ROR2: variants seen among roughly 807,000 people sequenced by gnomAD.
ROR2 encodes the protein tyrosine-protein kinase transmembrane receptor ROR2.
A neutral mutation model predicts 74.9 loss-of-function variants in ROR2; 33 were observed. That is an observed-to-expected ratio of 0.44 (90% CI 0.33 to 0.59). The LOEUF (loss-of-function observed/expected upper bound fraction) is 0.59. ROR2 is among the 20% of genes least tolerant of loss of function. ROR2 has a pLI of 0.02. For missense variants in ROR2, 1,216 were observed against 1,313.8 expected (o/e 0.93, Z 1.15); for synonymous variants, 586 against 558.7 (o/e 1.05, Z -0.69).
At chr9:91,940,138 A>G (rs1157217036) in intron 1 of ROR2, among the ~76,000 whole-genome samples, 2 of 152,264 alleles carry the variant, frequency 1.3e-5, no homozygotes, top group Non-Finnish European at 2.9e-5. Flanking sequence ...ATGGCAACTC[A>G]GCCCCGCTGT....
At chr9:91,743,008 C>T (rs1825298760) in intron 4 of ROR2, among the ~76,000 whole-genome samples, 1 of 152,170 alleles carries the variant, frequency 6.6e-6, no homozygotes, top group African/African-American at 2.4e-5. Flanking sequence ...GAGCAACAGG[C>T]TGTACCATAT....
rs543897263 is a variant in ROR2 at position 91,739,279 on chromosome 9, G to A, written c.495-1761C>T. Among the ~76,000 whole-genome samples the A allele has an allele frequency of 6.6e-5, 10 of 152,284 alleles. No individual in the cohort carries two copies. The South Asian group carries it at 2.1e-3, about 32-fold the overall frequency. ...CCCAGCACTTTGGGAGGCCAAGGCTGGTGAATCACTTGAGCCCAGGAGATC... is the reference window on the plus strand; with the variant it reads ...CCCAGCACTTTGGGAGGCCAAGGCTAGTGAATCACTTGAGCCCAGGAGATC... On this transcript the variant is annotated intron_variant, in intron 4 of 8. Transcript: ENST00000375708.
intron 2 of ROR2, among the ~76,000 whole-genome samples, chr9:91,769,464 C>T (rs567015268): frequency 1.3e-5 from 2 of 152,312 alleles, no homozygotes; most frequent in South Asian, 2.1e-4. Context: ...CCTGAGCACG[C>T]AGGGCATGTG....
At chr9:91,850,234 ATAGT>A (rs1829048676) in intron 1 of ROR2, among the ~76,000 whole-genome samples, 3 of 149,284 alleles carry the variant, frequency 2.0e-5, no homozygotes, top group Non-Finnish European at 1.5e-5. Context: ...CCCTGCTAAT[ATAGT>A]TAGAAATCAT....
At chr9:91,799,951 G>A (rs2119050461) in intron 1 of ROR2, among the ~76,000 whole-genome samples, 1 of 152,346 alleles carries the variant, frequency 6.6e-6, no homozygotes, top group Non-Finnish European at 1.5e-5. Context: ...GAGGAGTGAA[G>A]GGAGACACAT....
chr9:91,812,222 T>C (rs938921703), intron 1 of ROR2, among the ~76,000 whole-genome samples: 4 of 152,020 alleles, frequency 2.6e-5, no homozygotes, highest in Non-Finnish European at 5.9e-5. Flanking sequence ...ATCTACACAA[T>C]CCCTTCGGCT....
chr9:91,903,614 C>G (rs150450051), intron 1 of ROR2, among the ~76,000 whole-genome samples: 3 of 152,260 alleles, frequency 2.0e-5, no homozygotes, highest in African/African-American at 7.2e-5. Flanking sequence ...CAAAGATTTT[C>G]TCCTAAACCA....
At chr9:91,838,349 G>C (rs746742306) in intron 1 of ROR2, among the ~76,000 whole-genome samples, 4 of 152,116 alleles carry the variant, frequency 2.6e-5, no homozygotes, top group Non-Finnish European at 5.9e-5. Context: ...GGCCAAGTGC[G>C]CACACAGTGT....
intron 1 of ROR2, among the ~76,000 whole-genome samples, chr9:91,926,543 C>CAAAA (rs34550588): frequency 9.9e-6 from 1 of 101,168 alleles, no homozygotes; most frequent in Non-Finnish European, 2.1e-5. Flanking sequence ...GACTCCATCT[C>CAAAA]AAAAAAAAAA....
At chr9:91,884,436 A>G (rs1830213444) in intron 1 of ROR2, among the ~76,000 whole-genome samples, 1 of 151,476 alleles carries the variant, frequency 6.6e-6, no homozygotes, top group African/African-American at 2.4e-5. Flanking sequence ...TTGGCCTACA[A>G]AAAGAATTAC....
chr9:91,777,305 G>A (rs764978085), intron 1 of ROR2, among the ~76,000 whole-genome samples: 3 of 151,910 alleles, frequency 2.0e-5, no homozygotes, highest in Non-Finnish European at 2.9e-5. Context: ...ACCCAATAGG[G>A]TTTCTCCTAA....
At chr9:91,732,919 G>T (rs1302342668) in intron 6 of ROR2, among the ~76,000 whole-genome samples, 1 of 152,242 alleles carries the variant, frequency 6.6e-6, no homozygotes, top group Non-Finnish European at 1.5e-5. Context: ...GGGGCTGAAT[G>T]GCTCCAAAGC....
At chr9:91,832,824 T>C (rs986712809) in intron 1 of ROR2, among the ~76,000 whole-genome samples, 1 of 152,056 alleles carries the variant, frequency 6.6e-6, no homozygotes, top group East Asian at 1.9e-4. Flanking sequence ...CCCAAAACAA[T>C]GGAGAGAAAC....
At chr9:91,924,586 G>C (rs1317379129) in intron 1 of ROR2, among the ~76,000 whole-genome samples, 1 of 152,194 alleles carries the variant, frequency 6.6e-6, no homozygotes, top group Non-Finnish European at 1.5e-5. Flanking sequence ...GAGGTCAGGA[G>C]ATCGAGACCA....
At chr9:91,837,520 A>G (rs1180928798) in intron 1 of ROR2, among the ~76,000 whole-genome samples, 4 of 152,250 alleles carry the variant, frequency 2.6e-5, no homozygotes, top group Non-Finnish European at 5.9e-5. Flanking sequence ...AAGCCTTGCC[A>G]TATTAAAACA....
intron 1 of ROR2, among the ~76,000 whole-genome samples, chr9:91,778,132 C>T (rs1257935195): frequency 6.6e-6 from 1 of 152,242 alleles, no homozygotes; most frequent in South Asian, 2.1e-4. Context: ...TGCACATGCC[C>T]TCACTCCTGC....
At chr9:91,763,061 T>C (rs946903194) in intron 2 of ROR2, among the ~76,000 whole-genome samples, 2 of 152,016 alleles carry the variant, frequency 1.3e-5, no homozygotes, top group African/African-American at 4.8e-5. Flanking sequence ...CCTAAGCAAA[T>C]TAACACAGGA....
At chr9:91,935,254 C>A (rs1831652238) in intron 1 of ROR2, among the ~76,000 whole-genome samples, 1 of 152,234 alleles carries the variant, frequency 6.6e-6, no homozygotes, top group Non-Finnish European at 1.5e-5. Context: ...CTCAGAGGAG[C>A]AGCCAGCTGG....
chr9:91,818,355 C>G (rs765686448), intron 1 of ROR2, among the ~76,000 whole-genome samples: 1 of 152,166 alleles, frequency 6.6e-6, no homozygotes, highest in Non-Finnish European at 1.5e-5. Flanking sequence ...AGCACAACCA[C>G]GTATCTTTTG....
Sources: gnomAD v4.1 joint callset for allele counts (sites outside exome capture counted in the v4.1 genomes callset) on GRCh38, gnomAD v4.1.1 for gene constraint, MANE v1.5 for transcripts, NCBI Gene and HGNC (gene_info 2026-07-23, HGNC 2026-07-21) for gene names.